The following BCAS3 variants were observed in gnomAD, a reference collection of about 807,000 sequenced individuals.
BCAS3 encodes BCAS4/BCAS3 fusion.
BCAS3 carries 53 observed loss-of-function variants against 116.1 expected under a neutral mutation model. The ratio of observed to expected loss-of-function variants is 0.46; its 90% CI spans 0.37 to 0.57. BCAS3 has a LOEUF of 0.57. Among genes scored for constraint, BCAS3 ranks in the 20% least tolerant of loss-of-function variants. The pLI is 0.00. For synonymous variants in BCAS3, 391 were observed against 408.2 expected (o/e 0.96, Z 0.51); for missense variants, 917 against 1,165.4 (o/e 0.79, Z 3.10).
chr17:60,824,424 T>G (rs1460041408), intron 7 of BCAS3, among the ~76,000 whole-genome samples: 1 of 152,226 alleles, frequency 6.6e-6, no homozygotes, highest in Admixed American at 6.5e-5. Context: ...TTTCCTTCTC[T>G]GATTCTTTCC....
intron 4 of BCAS3, among the ~76,000 whole-genome samples, chr17:60,705,187 C>A (rs1330491425): frequency 6.6e-6 from 1 of 152,000 alleles, no homozygotes; most frequent in African/African-American, 2.4e-5. Flanking sequence ...AAATGTTTTG[C>A]ATGACTTACA....
At chr17:61,371,843 C>G (rs371474601) in intron 23 of BCAS3, among the ~76,000 whole-genome samples, 1 of 152,196 alleles carries the variant, frequency 6.6e-6, no homozygotes, top group Non-Finnish European at 1.5e-5. Flanking sequence ...TCAGCAGGAT[C>G]CCTGCGCATG....
rs1382338062 is a variant in BCAS3, at chr17:61,233,758, T to G, written c.2426-134569T>G. 6.6e-6 allele frequency among the ~76,000 whole-genome samples: 1 copy of G among 152,166 alleles called. No individual in the cohort carries two copies. The highest frequency in any genetic ancestry group is 2.4e-5 in the African/African-American group (1 of 41,442). Reference sequence around the variant, plus strand: ...TTCACCTTCCTAAGCACAGAACTCTTTTTCTAATAAAATTTTATGCAGGAC... The same window carrying G: ...TTCACCTTCCTAAGCACAGAACTCTGTTTCTAATAAAATTTTATGCAGGAC... On this transcript the variant is annotated intron_variant, in intron 22 of 23. Transcript: ENST00000407086. This position sits in a 1 kb window ranked among gnomAD's most constrained non-coding sequence, Gnocchi z 4.3.
At chr17:60,785,059 A>G (rs1460847925) in intron 6 of BCAS3, among the ~76,000 whole-genome samples, 2 of 152,192 alleles carry the variant, frequency 1.3e-5, no homozygotes, top group South Asian at 2.1e-4. Flanking sequence ...AGATCGTGCC[A>G]TTGCACTCCA....
At position 61,367,694 on chromosome 17, in the gene BCAS3, C is replaced by G. The variant is rs1402497228; in HGVS notation, c.2426-633C>G. 1 of 152,180 alleles carries G rather than the reference C, an allele frequency of 6.6e-6. No homozygotes were observed. The highest frequency in any genetic ancestry group is 1.5e-5 in the Non-Finnish European group (1 of 68,040). 9.4% of individuals were successfully genotyped at this position (152,180 alleles called of 1,614,324 possible). A position where few individuals can be genotyped will look rare whatever the true frequency, so the allele number is the denominator to read the frequency against. ...TCTTCCATCTTGGGCCATAACTTCTCTGAGCTCCAACTATAAAATGAGGAA... is the reference window on the plus strand; with the variant it reads ...TCTTCCATCTTGGGCCATAACTTCTGTGAGCTCCAACTATAAAATGAGGAA... On this transcript the variant is annotated intron_variant, in intron 22 of 23. Transcript: ENST00000407086. This position sits in a 1 kb window ranked among gnomAD's most constrained non-coding sequence, Gnocchi z 6.2.
intron 13 of BCAS3, among the ~76,000 whole-genome samples, chr17:60,943,861 T>C (rs1348222407): frequency 2.0e-5 from 3 of 152,106 alleles, no homozygotes; most frequent in African/African-American, 7.2e-5. Flanking sequence ...ATCCAAATAT[T>C]TGGTAACAAA....
intron 7 of BCAS3, among the ~76,000 whole-genome samples, chr17:60,813,187 T>C (rs28629957): frequency 0.28 from 42,627 of 151,990 alleles, 11,592 homozygotes; most frequent in African/African-American, 0.72. Context: ...GGCATTCCTC[T>C]ATACATACAC....
At chr17:60,842,812 A>T (rs2052080363) in intron 7 of BCAS3, among the ~76,000 whole-genome samples, 1 of 151,722 alleles carries the variant, frequency 6.6e-6, no homozygotes, top group Admixed American at 6.6e-5. Flanking sequence ...CATTTGAAAG[A>T]TAATTATTTC....
At chr17:61,075,925 T>C (rs144672079) in intron 20 of BCAS3, among the ~76,000 whole-genome samples, 1 of 152,154 alleles carries the variant, frequency 6.6e-6, no homozygotes, top group African/African-American at 2.4e-5. Flanking sequence ...TTGTTTTTTT[T>C]GTTTGTTTTT....
intron 5 of BCAS3, among the ~76,000 whole-genome samples, chr17:60,724,794 A>G (rs1221084593): frequency 6.6e-6 from 1 of 152,020 alleles, no homozygotes; most frequent in Non-Finnish European, 1.5e-5. Flanking sequence ...ATTAAAAAAA[A>G]AAAAACAGCT....
intron 22 of BCAS3, among the ~76,000 whole-genome samples, chr17:61,165,439 T>G (rs1251486452): frequency 7.2e-5 from 11 of 152,260 alleles, no homozygotes; most frequent in Admixed American, 7.2e-4. Context: ...GGCTCACGCC[T>G]ATAATCCCAG....
intron 22 of BCAS3, among the ~76,000 whole-genome samples, chr17:61,185,593 G>A (rs539270868): frequency 6.6e-5 from 10 of 152,140 alleles, no homozygotes; most frequent in East Asian, 1.9e-4. Flanking sequence ...TTCATTCATC[G>A]GTCAAACTGT....
At chr17:61,192,246 C>CAAAAAAAAAACAAAAAAAA (rs2080182090) in intron 22 of BCAS3, among the ~76,000 whole-genome samples, 1 of 70,680 alleles carries the variant, frequency 1.4e-5, no homozygotes, top group Admixed American at 2.1e-4. Flanking sequence ...GCTCTGTTAC[C>CAAAAAAAAAACAAAAAAAA]AAAAAAAAAA....
chr17:61,187,383 A>G (rs2079842103), intron 22 of BCAS3, among the ~76,000 whole-genome samples: 1 of 152,208 alleles, frequency 6.6e-6, no homozygotes, highest in Non-Finnish European at 1.5e-5. Context: ...AAAGCCAGTA[A>G]AAGAGAGCAT....
At chr17:60,721,083 A>C (rs1412729556) in intron 5 of BCAS3, among the ~76,000 whole-genome samples, 2 of 152,170 alleles carry the variant, frequency 1.3e-5, no homozygotes, top group African/African-American at 4.8e-5. Context: ...AATGCCAATT[A>C]GTCTACTATT....
At position 61,348,754 on chromosome 17, in the gene BCAS3, CT is replaced by C. The variant is rs34911740; in HGVS notation, c.2426-19557del. ...TCTTGCAACCTCTTGGGCAGAGATT[CT>C]TTTTTTTTTTTTTTTGAAACAGAGT... is the stretch of plus-strand genomic sequence containing the variant. On this transcript the variant is annotated intron_variant, in intron 22 of 23. Transcript: ENST00000407086. The surrounding 1 kb of genome is among the most constrained non-coding windows in gnomAD (Gnocchi z 4.5). Among the ~76,000 whole-genome samples, 71 of 134,912 alleles carry C rather than the reference CT, an allele frequency of 5.3e-4. No homozygotes were observed. Among genetic ancestry groups the C allele is most frequent in the African/African-American group, 6.6e-4 (24 of 36,312 alleles). 88.5% of individuals were successfully genotyped at this position (134,912 alleles called of 152,430 possible). A position where few individuals can be genotyped will look rare whatever the true frequency, so the allele number is the denominator to read the frequency against.
intron 6 of BCAS3, among the ~76,000 whole-genome samples, chr17:60,777,025 A>C (rs1374058409): frequency 6.6e-6 from 1 of 151,864 alleles, no homozygotes; most frequent in Non-Finnish European, 1.5e-5. Flanking sequence ...TCAAAAAAAA[A>C]AAAAAAACAA....
intron 22 of BCAS3, among the ~76,000 whole-genome samples, chr17:61,296,285 A>G (rs908082630): frequency 1.3e-5 from 2 of 152,164 alleles, no homozygotes; most frequent in Admixed American, 6.5e-5. Context: ...CCTAATGACA[A>G]TTTGATGAAA....
intron 22 of BCAS3, among the ~76,000 whole-genome samples, chr17:61,341,107 A>C (rs958360874): frequency 2.0e-5 from 3 of 152,164 alleles, no homozygotes; most frequent in African/African-American, 7.2e-5. Context: ...GTGAAGCAGA[A>C]GCTGGAATCG....
Sources: gnomAD v4.1 joint callset for allele counts (sites outside exome capture counted in the v4.1 genomes callset) on GRCh38, gnomAD v4.1.1 for gene constraint, Gnocchi (gnomAD v3.1) non-coding constraint, MANE v1.5 for transcripts, NCBI Gene and HGNC (gene_info 2026-07-23, HGNC 2026-07-21) for gene names.